KCNC1: variants seen among roughly 807,000 people sequenced by gnomAD.
KCNC1 encodes voltage-gated potassium channel KCNC1.
KCNC1 carries 8 observed loss-of-function variants against 43.4 expected under a neutral mutation model. That is an observed-to-expected ratio of 0.18 (90% CI 0.11 to 0.33). KCNC1 has a LOEUF of 0.33. KCNC1 is among the 10% of genes least tolerant of loss of function. KCNC1 has a pLI of 1.00. For synonymous variants in KCNC1, 361 were observed against 360.5 expected (o/e 1.00, Z -0.01); for missense variants, 420 against 836.0 (o/e 0.50, Z 6.14).
At chr11:17,774,150 A>G in intron 2 of KCNC1, 2 of 985,484 alleles carry the variant, frequency 2.0e-6, no homozygotes, top group Non-Finnish European at 2.4e-6. Flanking sequence ...GGATTTCTGT[A>G]GGTGCCTGAG....
chr11:17,767,948 AG>A (rs1282725805), intron 1 of KCNC1, among the ~76,000 whole-genome samples: 2 of 152,228 alleles, frequency 1.3e-5, no homozygotes, highest in Non-Finnish European at 1.5e-5. Flanking sequence ...TAATCTTATA[AG>A]GCCTGAGTTT....
At chr11:17,774,363 T>C in intron 2 of KCNC1, 1 of 985,468 alleles carries the variant, frequency 1.0e-6, no homozygotes, top group Non-Finnish European at 1.2e-6. Flanking sequence ...ACCTGGCCCT[T>C]CCCCTGCATC....
chr11:17,769,339 G>T (rs1236135667), intron 1 of KCNC1, among the ~76,000 whole-genome samples: 1 of 151,758 alleles, frequency 6.6e-6, no homozygotes, highest in East Asian at 1.9e-4. Flanking sequence ...ATGGAGGGAG[G>T]GACACAGGAA....
chr11:17,758,686 T>C (rs774261218), intron 1 of KCNC1, among the ~76,000 whole-genome samples: 2 of 152,236 alleles, frequency 1.3e-5, no homozygotes, highest in Non-Finnish European at 2.9e-5. Flanking sequence ...GGTGACCAGG[T>C]GCATTGTCAA....
At chr11:17,768,612 T>TGG (rs71457883) in intron 1 of KCNC1, among the ~76,000 whole-genome samples, 5,045 of 104,762 alleles carry the variant, frequency 0.048, 312 homozygotes, top group African/African-American at 0.056. Context: ...TGGATGTTGG[T>TGG]GGGGGGGGGG....
intron 1 of KCNC1, among the ~76,000 whole-genome samples, chr11:17,763,267 C>T (rs1331298616): frequency 2.0e-5 from 3 of 151,964 alleles, no homozygotes; most frequent in Admixed American, 6.5e-5. Context: ...TGGGCCGGCT[C>T]AGCCCCCCAC....
chr11:17,774,739 C>T, intron 2 of KCNC1: 1 of 985,406 alleles, frequency 1.0e-6, no homozygotes, highest in Non-Finnish European at 1.2e-6. Context: ...GTATTTGGGG[C>T]CCTCACAAGC....
chr11:17,772,648 CT>C (rs1323914355), intron 2 of KCNC1, 50 bp downstream of exon 2: 18 of 1,587,086 alleles, frequency 1.1e-5, no homozygotes, highest in Non-Finnish European at 1.5e-5. Flanking sequence ...CCTCTGCCCC[CT>C]GTAGCGATGA....
chr11:17,763,997 A>C (rs1320230694), intron 1 of KCNC1, among the ~76,000 whole-genome samples: 20 of 98,668 alleles, frequency 2.0e-4, no homozygotes, highest in Admixed American at 4.7e-4. Flanking sequence ...CCACACACAG[A>C]CCCCCACACA....
chr11:17,773,572 G>C lies in KCNC1; in HGVS notation c.1504+974G>C. The C allele has an allele frequency of 1.0e-6, 1 of 984,946 alleles. No individual in the cohort carries two copies. The highest frequency in any genetic ancestry group is 1.2e-6 in the Non-Finnish European group (1 of 829,858). 61.0% of individuals were successfully genotyped at this position (984,946 alleles called of 1,614,324 possible). On this transcript the variant is annotated intron_variant, in intron 2 of 3. Transcript: ENST00000265969. This position sits in a 1 kb window ranked among gnomAD's most constrained non-coding sequence, Gnocchi z 4.1. ...TTCACTGGGGGCCGGGAGGGGGGAG[G>C]GGGGCATGAAACAATACTAGTCACC...
Position 17,773,477 on chromosome 11 carries a change from C to T in KCNC1, c.1504+879C>T, listed in dbSNP as rs73424034. The T allele has an allele frequency of 2.4e-4, 236 of 984,602 alleles. 1 individual carries two copies. The African/African-American group carries it at 3.7e-3, about 15-fold the overall frequency. The allele number at this position is 984,602 out of a possible 1,614,324, so 61.0% of individuals were successfully genotyped here. A position where few individuals can be genotyped will look rare whatever the true frequency, so the allele number is the denominator to read the frequency against. ...ACAGCCTCCCACCGAGGGTTCTCCC[C>T]GTTTCCAGCGGTAGGGACTGCAGCA... On this transcript the variant is annotated intron_variant, in intron 2 of 3. Transcript: ENST00000265969. The surrounding 1 kb of genome is among the most constrained non-coding windows in gnomAD (Gnocchi z 4.1).
intron 1 of KCNC1, among the ~76,000 whole-genome samples, chr11:17,757,824 T>C (rs1484264419): frequency 6.6e-6 from 1 of 152,226 alleles, no homozygotes; most frequent in East Asian, 1.9e-4. Context: ...ATGCTAACAA[T>C]CATATGAGCC....
At chr11:17,762,219 G>A (rs1347398275) in intron 1 of KCNC1, among the ~76,000 whole-genome samples, 4 of 152,152 alleles carry the variant, frequency 2.6e-5, no homozygotes, top group Non-Finnish European at 4.4e-5. Context: ...GGGAAGAGAC[G>A]GGTCTCTGAA....
chr11:17,772,645 C>T, intron 2 of KCNC1, 47 bp downstream of exon 2: 1 of 1,590,944 alleles, frequency 6.3e-7, no homozygotes, highest in Non-Finnish European at 8.6e-7. Context: ...TCACCTCTGC[C>T]CCCTGTAGCG....
At chr11:17,750,195 G>A (rs149565254) in intron 1 of KCNC1, among the ~76,000 whole-genome samples, 13 of 152,334 alleles carry the variant, frequency 8.5e-5, no homozygotes, top group African/African-American at 2.2e-4. Flanking sequence ...CCCCAGCACC[G>A]TGGCTGGCAC....
Position 17,776,602 on chromosome 11 carries a change from A to G in KCNC1, c.1505-2854A>G. The G allele has an allele frequency of 2.0e-6, 2 of 985,332 alleles. No individual in the cohort carries two copies. The highest frequency in any genetic ancestry group is 2.4e-6 in the Non-Finnish European group (2 of 829,902). The allele number at this position is 985,332 out of a possible 1,614,324, so 61.0% of individuals were successfully genotyped here. ...GGAAACCATCTCTGAGACGCTGCCC[A>G]TGCTGCCATTTCATCACTGCAGGCC... On this transcript the variant is annotated intron_variant, in intron 2 of 3. Coordinates refer to ENST00000265969, the MANE Select transcript of KCNC1 (RefSeq NM_001112741.2). The surrounding 1 kb of genome is among the most constrained non-coding windows in gnomAD (Gnocchi z 4.4).
chr11:17,764,952 G>C (rs1028083899), intron 1 of KCNC1, among the ~76,000 whole-genome samples: 1 of 152,182 alleles, frequency 6.6e-6, no homozygotes, highest in Non-Finnish European at 1.5e-5. Flanking sequence ...TAACTCAAAG[G>C]CTGCACACCC....
chr11:17,779,712 A>G lies in KCNC1; in HGVS notation c.1693+68A>G. ...CTCGCGCTCCTGCAGATGGGTGGGC[A>G]GGGCGGCGGGCAAGGGCGCTGAGGG... On this transcript the variant is annotated intron_variant, in intron 3 of 3. Transcript: ENST00000265969. The surrounding 1 kb of genome is among the most constrained non-coding windows in gnomAD (Gnocchi z 7.2). 7.6e-7 allele frequency: 1 copy of G among 1,312,694 alleles called. No individual in the cohort carries two copies. The highest frequency in any genetic ancestry group is 1.8e-5 in the South Asian group (1 of 54,606). 81.3% of individuals were successfully genotyped at this position (1,312,694 alleles called of 1,614,324 possible). A position where few individuals can be genotyped will look rare whatever the true frequency, so the allele number is the denominator to read the frequency against.
At chr11:17,750,947 T>C (rs1848962232) in intron 1 of KCNC1, among the ~76,000 whole-genome samples, 1 of 152,182 alleles carries the variant, frequency 6.6e-6, no homozygotes, top group Non-Finnish European at 1.5e-5. Context: ...CCACAACCTC[T>C]TGGAGGACAA....
Sources: gnomAD v4.1 joint callset for allele counts (sites outside exome capture counted in the v4.1 genomes callset) on GRCh38, gnomAD v4.1.1 for gene constraint, Gnocchi (gnomAD v3.1) non-coding constraint, MANE v1.5 for transcripts, NCBI Gene and HGNC (gene_info 2026-07-23, HGNC 2026-07-21) for gene names.